Variants in FAM135A observed in about 807,000 individuals in gnomAD.
FAM135A encodes family with sequence similarity 135 member A.
FAM135A carries 79 observed loss-of-function variants against 146.8 expected under a neutral mutation model. That is an observed-to-expected ratio of 0.54 (90% CI 0.45 to 0.65). The LOEUF (loss-of-function observed/expected upper bound fraction) is 0.65. Among genes scored for constraint, FAM135A ranks in the 30% least tolerant of loss-of-function variants. The pLI, the probability that FAM135A is intolerant of heterozygous loss-of-function variation, is 0.00. For synonymous variants in FAM135A, 562 were observed against 603.6 expected, an observed-to-expected ratio of 0.93 and a Z score of 1.01; for missense variants, 1,623 against 1,758.2, an observed-to-expected ratio of 0.92 and a Z score of 1.38.
chr6:70,544,150 C>T (rs1002433333), intron 20 of FAM135A, among the ~76,000 whole-genome samples: 2 of 151,808 alleles, frequency 1.3e-5, no homozygotes, highest in Admixed American at 1.3e-4. Context: ...AAGCTAGGTG[C>T]GGAAATATCA....
intron 12 of FAM135A, among the ~76,000 whole-genome samples, chr6:70,512,961 G>A (rs1249227675): frequency 3.3e-5 from 5 of 151,202 alleles, no homozygotes; most frequent in Non-Finnish European, 7.4e-5. Context: ...AATTTGGTGT[G>A]AGGTGTATGG....
rs1217022304 is a variant in FAM135A, at chr6:70,505,804, C to T, written c.1029+3013C>T. Among the ~76,000 whole-genome samples, 5 of 151,488 alleles carry T rather than the reference C, an allele frequency of 3.3e-5. No individual in the cohort carries two copies. The East Asian group carries it at 9.7e-4, about 29-fold the overall frequency. ...AATTTTTGGTGGTGTTAATTTTCTCCTTGTGTGTTTTGTTTTGTTTCATTA... is the reference window on the plus strand; with the variant it reads ...AATTTTTGGTGGTGTTAATTTTCTCTTTGTGTGTTTTGTTTTGTTTCATTA... On this transcript the variant is annotated intron_variant, in intron 12 of 21. Coordinates refer to ENST00000418814, the MANE Select transcript of FAM135A (RefSeq NM_001162529.3).
intron 5 of FAM135A, among the ~76,000 whole-genome samples, chr6:70,467,527 T>C (rs1312540569): frequency 6.6e-6 from 1 of 152,132 alleles, no homozygotes; most frequent in Non-Finnish European, 1.5e-5. Context: ...CTTCTTTTGT[T>C]TATAAGGTGG....
At chr6:70,514,991 C>G (rs56361179) in intron 12 of FAM135A, among the ~76,000 whole-genome samples, 3,426 of 152,304 alleles carry the variant, frequency 0.022, 37 homozygotes, top group Non-Finnish European at 0.035. Flanking sequence ...ATATCCAACT[C>G]TAGCCTTCTG....
Position 70,421,455 on chromosome 6 carries a change from A to G in FAM135A, c.-133-4984A>G, listed in dbSNP as rs765186114. On this transcript the variant is annotated intron_variant, in intron 2 of 21. Coordinates refer to ENST00000418814, the MANE Select transcript of FAM135A (RefSeq NM_001162529.3). ...ACCAAGAATGTCTTTCAGATTAATCAGTAAGTTTGTTTCTTTGAGAGTAAG... is the reference window on the plus strand; with the variant it reads ...ACCAAGAATGTCTTTCAGATTAATCGGTAAGTTTGTTTCTTTGAGAGTAAG... Among the ~76,000 whole-genome samples, 17 of 152,338 alleles carry G rather than the reference A, an allele frequency of 1.1e-4. No individual in the cohort carries two copies. The South Asian group carries it at 2.3e-3, about 20-fold the overall frequency.
intron 11 of FAM135A, among the ~76,000 whole-genome samples, chr6:70,496,334 G>A (rs115003668): frequency 0.025 from 3,840 of 152,022 alleles, 166 homozygotes; most frequent in African/African-American, 0.088. Flanking sequence ...CATATCCTTC[G>A]TCCACTTTTC....
chr6:70,524,219 T>C, intron 14 of FAM135A, 98 bp downstream of exon 14: 1 of 1,404,636 alleles, frequency 7.1e-7, no homozygotes, highest in Non-Finnish European at 9.5e-7. Flanking sequence ...GGAATAGTTT[T>C]TTTCCCTCTC....
intron 2 of FAM135A, among the ~76,000 whole-genome samples, chr6:70,418,847 G>A (rs1270530038): frequency 6.6e-6 from 1 of 152,210 alleles, no homozygotes; most frequent in Non-Finnish European, 1.5e-5. Context: ...TAGCAGGTTT[G>A]GGGATGCAAG....
chr6:70,516,286 TC>T (rs1232352820), intron 12 of FAM135A, among the ~76,000 whole-genome samples: 1 of 152,152 alleles, frequency 6.6e-6, no homozygotes, highest in African/African-American at 2.4e-5. Context: ...GGTTAGGGTA[TC>T]CCTGAGTAAC....
intron 20 of FAM135A, among the ~76,000 whole-genome samples, chr6:70,551,375 C>T (rs368762398): frequency 6.6e-6 from 1 of 151,954 alleles, no homozygotes; most frequent in Non-Finnish European, 1.5e-5. Flanking sequence ...TTTGCAAGGC[C>T]GAGGCTGGGA....
rs1181694672 is a variant in FAM135A at position 70,502,654 on chromosome 6, G to A, written c.892G>A (p.Glu298Lys). The change falls in exon 12 of 22, where the codon GAA becomes AAA. Residue 298 changes from glutamate (E) to lysine (K), a missense_variant. By Grantham distance (56) the Glu-to-Lys change is moderately conservative. This residue lies in a region of FAM135A where 206 missense variants were observed against 194.7 expected (regional missense o/e 1.06). Coordinates refer to ENST00000418814, the MANE Select transcript of FAM135A (RefSeq NM_001162529.3). ...EEVKKIENPD[E>K]LAELINMNLA... is the part of the protein sequence containing the mutation. ...ATTTCAGAAAATAGAGAATCCTGAT[G>A]AACTGGCAGAACTTATAAATATGAA... is the stretch of plus-strand genomic sequence containing the variant. The A allele has an allele frequency of 6.2e-7, 1 of 1,609,372 alleles. No individual in the cohort carries two copies. Among genetic ancestry groups the A allele is most frequent in the African/African-American group, 1.3e-5 (1 of 74,794 alleles).
At chr6:70,465,984 C>T (rs535229812) in intron 5 of FAM135A, among the ~76,000 whole-genome samples, 1 of 152,258 alleles carries the variant, frequency 6.6e-6, no homozygotes, top group South Asian at 2.1e-4. Context: ...GGTTTCACAG[C>T]CTAAGTTCAC....
At chr6:70,526,830 T>TA in intron 15 of FAM135A, 132 bp downstream of exon 15, 1 of 829,518 alleles carries the variant, frequency 1.2e-6, no homozygotes, top group Non-Finnish European at 1.7e-6. Context: ...TAGATAGTGC[T>TA]AAAGGATTGA....
intron 4 of FAM135A, among the ~76,000 whole-genome samples, chr6:70,452,057 GA>G (rs1278027156): frequency 6.7e-6 from 1 of 150,300 alleles, no homozygotes; most frequent in East Asian, 2.0e-4. Flanking sequence ...TAAACCAACT[GA>G]TATCTTCATT....
rs773646714 is a variant in FAM135A at position 70,482,035 on chromosome 6, A to G, written c.704A>G (p.His235Arg). ...TTCATCATTGCAGACTCCTTCCTAC[A>G]TCATGCGTATCGTTTTCATTATACA... Reference protein sequence around the residue: ...CSFIIADSFLHHAYRFHYTLC... With the variant: ...CSFIIADSFLRHAYRFHYTLC... Residue 235 changes from histidine (H) to arginine (R), a missense_variant, in exon 10 of 22, where the codon CAT (histidine) becomes CGT (arginine). This residue lies in a region of FAM135A where 206 missense variants were observed against 194.7 expected (regional missense o/e 1.06). Transcript: ENST00000418814. The G allele has an allele frequency of 1.2e-6, 2 of 1,613,640 alleles. No homozygotes were observed. The highest frequency in any genetic ancestry group is 1.7e-6 in the Non-Finnish European group (2 of 1,179,772).
At chr6:70,481,659 AAAG>A (rs1397479830) in intron 9 of FAM135A, among the ~76,000 whole-genome samples, 1 of 151,936 alleles carries the variant, frequency 6.6e-6, no homozygotes, top group African/African-American at 2.4e-5. Flanking sequence ...AAAAAAAAAA[AAAG>A]AGTGGTACAA....
chr6:70,414,388 C>T (rs1767042208), intron 1 of FAM135A, among the ~76,000 whole-genome samples: 4 of 152,048 alleles, frequency 2.6e-5, no homozygotes, highest in Admixed American at 2.6e-4. Context: ...CCCTCACTGC[C>T]TTCTCTTTCC....
At chr6:70,463,982 G>T (rs1297198837) in intron 5 of FAM135A, among the ~76,000 whole-genome samples, 3 of 152,158 alleles carry the variant, frequency 2.0e-5, no homozygotes, top group African/African-American at 7.2e-5. Flanking sequence ...ACATTGTACT[G>T]CAATTATTTA....
Position 70,480,983 on chromosome 6 carries a change from A to C in FAM135A, c.625A>C (p.Ser209Arg). Residue 209 changes from serine (S) to arginine (R), a missense_variant, in exon 9 of 22, where the codon AGT becomes CGT. Physicochemically the swap from Ser to Arg is moderately radical, Grantham distance 110. This residue lies in a region of FAM135A where 206 missense variants were observed against 194.7 expected (regional missense o/e 1.06). Transcript: ENST00000418814. ...NKDSVIPTLE[S>R]VVFGINYTKQ... ...AGATTCCGTGATTCCTACTCTTGAA[A>C]GTGTGGTCTTTGGTATTAACTACAC... 1 of 1,612,538 alleles carries C rather than the reference A, an allele frequency of 6.2e-7. No homozygotes were observed. Among genetic ancestry groups the C allele is most frequent in the East Asian group, 2.2e-5 (1 of 44,708 alleles).
Sources: gnomAD v4.1 joint callset for allele counts (sites outside exome capture counted in the v4.1 genomes callset) on GRCh38, gnomAD v4.1.1 for gene constraint, gnomAD v4.1.1 regional missense constraint, MANE v1.5 for transcripts, NCBI Gene and HGNC (gene_info 2026-07-23, HGNC 2026-07-21) for gene names.